The following PLD5 variants were observed in gnomAD, a reference collection of about 807,000 sequenced individuals.
PLD5 encodes the protein inactive phospholipase D5.
Under a neutral mutation model 61.1 loss-of-function variants are expected in PLD5, and 36 were observed. The observed-to-expected ratio is 0.59, with a 90% CI of 0.45 to 0.78. PLD5 has a LOEUF of 0.78. PLD5 is among the 30% of genes least tolerant of loss of function. The pLI is 0.00. For missense variants in PLD5, 515 were observed against 644.4 expected (o/e 0.80, Z 2.17); for synonymous variants, 243 against 242.8 (o/e 1.00, Z -0.01).
At chr1:242,382,716 A>C (rs1572023203) in intron 1 of PLD5, among the ~76,000 whole-genome samples, 1 of 152,244 alleles carries the variant, frequency 6.6e-6, no homozygotes, top group East Asian at 1.9e-4. Context: ...ATCAGGAGAA[A>C]CCTTCCTGAT....
intron 2 of PLD5, among the ~76,000 whole-genome samples, chr1:242,325,928 C>T (rs1658745717): frequency 6.6e-6 from 1 of 151,972 alleles, no homozygotes; most frequent in Admixed American, 6.5e-5. Context: ...CACTCTGTCA[C>T]CCAGCCTGTA....
chr1:242,206,927 T>C (rs995498534), intron 5 of PLD5, among the ~76,000 whole-genome samples: 24 of 152,180 alleles, frequency 1.6e-4, no homozygotes, highest in Non-Finnish European at 3.4e-4. Context: ...GCACATATGA[T>C]TGTGGGGGCT....
At chr1:242,306,871 A>G (rs1237193878) in intron 2 of PLD5, among the ~76,000 whole-genome samples, 3 of 152,260 alleles carry the variant, frequency 2.0e-5, no homozygotes, top group Admixed American at 6.5e-5. Context: ...CCATTCCATG[A>G]AACACATATG....
Position 242,330,860 on chromosome 1 carries a change from CAT to C in PLD5, c.326+17244_326+17245del, listed in dbSNP as rs570634125. ...TTTTGGAGGTCATCTTAGATGATCT[CAT>C]AGTTTTACAGATGGGGAAATATAAA... On this transcript the variant is annotated intron_variant, in intron 2 of 9. Coordinates refer to ENST00000536534, the MANE Select transcript of PLD5 (RefSeq NM_001372062.1). 4.1e-4 allele frequency among the ~76,000 whole-genome samples: 63 copies of C among 152,270 alleles called. 2 individuals are homozygous for C. In the South Asian group the frequency reaches 0.012, roughly 30 times the overall value.
At chr1:242,127,689 G>T (rs1407504515) in intron 5 of PLD5, among the ~76,000 whole-genome samples, 2 of 152,080 alleles carry the variant, frequency 1.3e-5, no homozygotes, top group Admixed American at 6.5e-5. Context: ...GGGATAAAAG[G>T]CTACAAATTG....
chr1:242,352,843 A>C (rs1660552828), intron 1 of PLD5, among the ~76,000 whole-genome samples: 1 of 152,164 alleles, frequency 6.6e-6, no homozygotes, highest in East Asian at 1.9e-4. Context: ...GTATGTCTTT[A>C]AAGAAATATC....
chr1:242,424,558 AT>A (rs1017150821), intron 1 of PLD5, among the ~76,000 whole-genome samples: 45 of 151,524 alleles, frequency 3.0e-4, no homozygotes, highest in African/African-American at 1.0e-3. Context: ...AAAAAAAAAA[AT>A]CAGCGTGATT....
At chr1:242,347,929 T>C (rs1485123878) in intron 2 of PLD5, among the ~76,000 whole-genome samples, 177 bp downstream of exon 2, 3 of 152,184 alleles carry the variant, frequency 2.0e-5, no homozygotes, top group Admixed American at 6.5e-5. Context: ...AATTCAATCA[T>C]TACTCATTAC....
At chr1:242,291,808 A>AAAAT (rs1553342398) in intron 2 of PLD5, among the ~76,000 whole-genome samples, 1 of 152,140 alleles carries the variant, frequency 6.6e-6, no homozygotes, top group Non-Finnish European at 1.5e-5. Context: ...CTCTGTCTCA[A>AAAAT]AAACAAACAA....
intron 1 of PLD5, among the ~76,000 whole-genome samples, chr1:242,394,931 T>TGAATA (rs577668544): frequency 5.8e-5 from 3 of 51,686 alleles, no homozygotes; most frequent in Non-Finnish European, 1.1e-4. Flanking sequence ...TATGTATACA[T>TGAATA]TATATGAATA....
intron 5 of PLD5, among the ~76,000 whole-genome samples, chr1:242,197,566 T>G (rs1668712115): frequency 6.6e-6 from 1 of 151,994 alleles, no homozygotes; most frequent in South Asian, 2.1e-4. Flanking sequence ...CCTTCCAGCT[T>G]CAGCTCAGAT....
rs749956778 is a variant in PLD5, at chr1:242,096,951, T to C, written c.1354+3717A>G. ...TGTGTGATGTTCCCCTTCCTGTGTC[T>C]GTGTGTTCTCATTTTTCAATTCCCA... On this transcript the variant is annotated intron_variant, in intron 9 of 9. Coordinates refer to ENST00000536534, the MANE Select transcript of PLD5 (RefSeq NM_001372062.1). Among the ~76,000 whole-genome samples the C allele has an allele frequency of 6.4e-4, 95 of 147,942 alleles. 1 individual carries two copies. The highest frequency in any genetic ancestry group is 9.1e-4 in the South Asian group (4 of 4,418).
intron 4 of PLD5, among the ~76,000 whole-genome samples, chr1:242,248,209 G>A (rs1175785116): frequency 6.6e-6 from 1 of 152,126 alleles, no homozygotes; most frequent in African/African-American, 2.4e-5. Context: ...AAATTATCAG[G>A]CTGGGGAAGG....
intron 1 of PLD5, among the ~76,000 whole-genome samples, chr1:242,394,332 ATGTGTGTATATATGAGTATATATG>A (rs1663236488): frequency 1.1e-5 from 1 of 90,982 alleles, no homozygotes; most frequent in Admixed American, 1.4e-4. Flanking sequence ...ATGAGTATAT[ATGTGTGTATATATGAGTATATATG>A]TGTGTATATA....
At chr1:242,242,992 T>G (rs1672153609) in intron 4 of PLD5, among the ~76,000 whole-genome samples, 1 of 152,216 alleles carries the variant, frequency 6.6e-6, no homozygotes, top group African/African-American at 2.4e-5. Flanking sequence ...CCCCATATCT[T>G]TCCTTCCAGT....
At chr1:242,328,585 G>T (rs1020073658) in intron 2 of PLD5, among the ~76,000 whole-genome samples, 2 of 152,020 alleles carry the variant, frequency 1.3e-5, no homozygotes, top group African/African-American at 2.4e-5. Context: ...ATATATATGT[G>T]GCCATCCTTA....
chr1:242,415,552 G>A (rs1431642763), intron 1 of PLD5, among the ~76,000 whole-genome samples: 11 of 142,658 alleles, frequency 7.7e-5, no homozygotes, highest in African/African-American at 1.1e-4. Context: ...TTGCTCTGTC[G>A]CCCAGGCTGG....
rs147972490 is a variant in PLD5, at chr1:242,372,240, C to T, written c.190-23998G>A. ...AGGTAAAAGCCCATCATAAGCCATG[C>T]CCATAGCACAGCTATTTCCACACAC... On this transcript the variant is annotated intron_variant, in intron 1 of 9. Transcript: ENST00000536534. Among the ~76,000 whole-genome samples, 411 of 152,238 alleles carry T rather than the reference C, an allele frequency of 2.7e-3. 1 individual carries two copies. The highest frequency in any genetic ancestry group is 0.02 in the Middle Eastern group (6 of 294).
rs142598965 is a variant in PLD5 at position 242,172,608 on chromosome 1, T to C, written c.735+47380A>G. Among the ~76,000 whole-genome samples, 839 of 151,938 alleles carry C rather than the reference T, an allele frequency of 5.5e-3. 6 individuals carry two copies. Among genetic ancestry groups the C allele is most frequent in the African/African-American group, 0.02 (822 of 41,448 alleles). Reference sequence around the variant, plus strand: ...TCCAGGAGCTGGATTTTTGAAAAGATCAACAAAATAGATAGACTTCTAGCC... The same window carrying C: ...TCCAGGAGCTGGATTTTTGAAAAGACCAACAAAATAGATAGACTTCTAGCC... On this transcript the variant is annotated intron_variant, in intron 5 of 9. Coordinates refer to ENST00000536534, the MANE Select transcript of PLD5 (RefSeq NM_001372062.1).
Sources: allele counts gnomAD v4.1 joint callset (sites outside exome capture counted in the v4.1 genomes callset), GRCh38; gene constraint gnomAD v4.1.1; transcripts MANE v1.5; gene names NCBI Gene and HGNC (gene_info 2026-07-23, HGNC 2026-07-21).